FRMD3: variants seen among roughly 807,000 people sequenced by gnomAD.
FRMD3 encodes FERM domain containing 3.
In FRMD3, 33 loss-of-function variants were observed where a neutral mutation model predicts 70.2. The observed-to-expected ratio is 0.47, with a 90% confidence interval of 0.36 to 0.63. The LOEUF (loss-of-function observed/expected upper bound fraction) is 0.63. Ranked by LOEUF, FRMD3 falls within the 20% of genes least tolerant of loss-of-function variation. FRMD3 has a pLI of 0.00. For missense variants in FRMD3, 632 were observed against 711.4 expected (o/e 0.89, Z 1.27); for synonymous variants, 279 against 255.9 (o/e 1.09, Z -0.86).
intron 1 of FRMD3, among the ~76,000 whole-genome samples, chr9:83,402,898 C>CTTTTTTTTTTTT (rs559570925): frequency 1.4e-3 from 124 of 87,276 alleles, no homozygotes; most frequent in Middle Eastern, 0.01. Flanking sequence ...TTCTTTCTTT[C>CTTTTTTTTTTTT]TTTTTTTTTT....
intron 1 of FRMD3, among the ~76,000 whole-genome samples, chr9:83,420,305 G>A (rs1367784324): frequency 6.6e-6 from 1 of 152,178 alleles, no homozygotes; most frequent in Non-Finnish European, 1.5e-5. Flanking sequence ...GCAAAAAGGG[G>A]ACCAGTTGGC....
Position 83,246,989 on chromosome 9 carries a change from G to C in FRMD3, c.*929C>G. The C allele has an allele frequency of 2.0e-6, 2 of 985,366 alleles. No individual in the cohort carries two copies. The highest frequency in any genetic ancestry group is 2.4e-6 in the Non-Finnish European group (2 of 829,934). 61.0% of individuals were successfully genotyped at this position (985,366 alleles called of 1,614,324 possible). ...CTTCACTCTTGGGTTAATGTACATT[G>C]ATATGCAACTGACTAGCACATCTGT... On this transcript the variant is annotated 3_prime_UTR_variant, in exon 14 of 14. Transcript: ENST00000304195.
At chr9:83,361,350 A>G (rs1433532240) in intron 3 of FRMD3, among the ~76,000 whole-genome samples, 1 of 152,260 alleles carries the variant, frequency 6.6e-6, no homozygotes, top group Non-Finnish European at 1.5e-5. Context: ...AAAGCCATGG[A>G]ACAGGTGAAG....
intron 1 of FRMD3, among the ~76,000 whole-genome samples, chr9:83,415,555 G>T (rs1238135155): frequency 6.8e-6 from 1 of 146,042 alleles, no homozygotes. Context: ...CCATACTCCT[G>T]CTTCAGCCTC....
chr9:83,351,079 T>C lies in FRMD3; in HGVS notation c.296-1322A>G, dbSNP rs989073478. 8 of 596,930 alleles carry C rather than the reference T, an allele frequency of 1.3e-5. No homozygotes were observed. In the Admixed American group the frequency reaches 2.5e-4, roughly 19 times the overall value. The allele number at this position is 596,930 out of a possible 1,614,324, so 37.0% of individuals were successfully genotyped here. ...ATGTGAATATGAAACAACATCCTATTTTACCCAAATTCATCTTTCAAGATA... is the reference window on the plus strand; with the variant it reads ...ATGTGAATATGAAACAACATCCTATCTTACCCAAATTCATCTTTCAAGATA... On this transcript the variant is annotated intron_variant, in intron 3 of 13. Transcript: ENST00000304195.
chr9:83,514,992 T>C (rs1437009973), intron 1 of FRMD3, among the ~76,000 whole-genome samples: 1 of 151,898 alleles, frequency 6.6e-6, no homozygotes, highest in African/African-American at 2.4e-5. Flanking sequence ...GGTAGATAAA[T>C]CCATGAAGAA....
At chr9:83,517,517 A>C in intron 1 of FRMD3, among the ~76,000 whole-genome samples, 1 of 148,354 alleles carries the variant, frequency 6.7e-6, no homozygotes, top group South Asian at 2.2e-4. Context: ...AAAAAAAAAA[A>C]ACAACCTAGG....
chr9:83,427,104 G>C lies in FRMD3; in HGVS notation c.148-37396C>G, dbSNP rs542959573. The stretch of plus-strand genomic sequence containing the variant: ...GGTTTCTTAAAGGCACCTAAGTATA[G>C]GAATTACCTGGAGCATTTGTTCAAA... On this transcript the variant is annotated intron_variant, in intron 1 of 13. Transcript: ENST00000304195. Among the ~76,000 whole-genome samples the C allele has an allele frequency of 3.3e-5, 5 of 152,340 alleles. No homozygotes were observed. In the East Asian group the frequency reaches 7.7e-4, roughly 23 times the overall value.
At chr9:83,335,677 T>C in intron 5 of FRMD3, 38 bp from the exon 6 acceptor site, 1 of 1,593,838 alleles carries the variant, frequency 6.3e-7, no homozygotes, top group Non-Finnish European at 8.6e-7. Flanking sequence ...AGAGAAAGAT[T>C]AAAAACAATA....
intron 1 of FRMD3, among the ~76,000 whole-genome samples, chr9:83,469,039 T>C (rs927321095): frequency 2.0e-5 from 3 of 152,228 alleles, no homozygotes; most frequent in Non-Finnish European, 4.4e-5. Flanking sequence ...GCAGCTACCA[T>C]GAAAGCTAAT....
chr9:83,326,262 G>A (rs1265664055), intron 6 of FRMD3, among the ~76,000 whole-genome samples: 1 of 152,156 alleles, frequency 6.6e-6, no homozygotes, highest in Non-Finnish European at 1.5e-5. Flanking sequence ...CTTGCCCTCA[G>A]ACTACCATGT....
At chr9:83,314,894 G>A (rs1003534771) in intron 6 of FRMD3, among the ~76,000 whole-genome samples, 1 of 151,802 alleles carries the variant, frequency 6.6e-6, no homozygotes, top group African/African-American at 2.4e-5. Context: ...CTAATAAATG[G>A]GTCTTGAAAC....
At chr9:83,311,783 G>C in intron 8 of FRMD3, 104 bp downstream of exon 8, 1 of 814,364 alleles carries the variant, frequency 1.2e-6, no homozygotes, top group South Asian at 1.5e-5. Flanking sequence ...GCAAGGAAAT[G>C]GATACCAGGC....
chr9:83,517,572 C>A (rs1455159220), intron 1 of FRMD3, among the ~76,000 whole-genome samples: 1 of 150,772 alleles, frequency 6.6e-6, no homozygotes, highest in Non-Finnish European at 1.5e-5. Context: ...ACAAAAAGCA[C>A]CCGGTACCAT....
At chr9:83,451,815 A>G (rs1827666712) in intron 1 of FRMD3, among the ~76,000 whole-genome samples, 2 of 152,210 alleles carry the variant, frequency 1.3e-5, no homozygotes, top group African/African-American at 4.8e-5. Context: ...ATGAATTATT[A>G]ACAACTATTA....
chr9:83,310,399 G>A (rs186976617), intron 9 of FRMD3, 86 bp downstream of exon 9: 11 of 1,054,012 alleles, frequency 1.0e-5, no homozygotes, highest in Middle Eastern at 2.0e-4. Context: ...GGTCTTTGGC[G>A]ACTACAATAC....
In FRMD3 at chr9:83,423,438, G is replaced by T. The variant is rs112685674; in HGVS notation, c.148-33730C>A. ...CTGATTACCTCCAGGCAGGGATGGG[G>T]CACCAACACTGCCATCAGGAGAAAG... On this transcript the variant is annotated intron_variant, in intron 1 of 13. Coordinates refer to ENST00000304195, the MANE Select transcript of FRMD3 (RefSeq NM_174938.6). Among the ~76,000 whole-genome samples, 920 of 152,134 alleles carry T rather than the reference G, an allele frequency of 6.0e-3. 12 individuals are homozygous for T. Among genetic ancestry groups the T allele is most frequent in the African/African-American group, 0.02 (846 of 41,496 alleles).
intron 3 of FRMD3, among the ~76,000 whole-genome samples, chr9:83,358,370 C>T (rs1824472357): frequency 6.6e-6 from 1 of 152,084 alleles, no homozygotes; most frequent in Non-Finnish European, 1.5e-5. Context: ...TAATGTGATG[C>T]CTCCAGATTT....
At chr9:83,530,659 T>A (rs1249681558) in intron 1 of FRMD3, among the ~76,000 whole-genome samples, 1 of 152,202 alleles carries the variant, frequency 6.6e-6, no homozygotes, top group Non-Finnish European at 1.5e-5. Context: ...AATAAAACTG[T>A]TATCCAAAAA....
Sources: gnomAD v4.1 joint callset for allele counts (sites outside exome capture counted in the v4.1 genomes callset) on GRCh38, gnomAD v4.1.1 for gene constraint, MANE v1.5 for transcripts, NCBI Gene and HGNC (gene_info 2026-07-23, HGNC 2026-07-21) for gene names.